ATXN1: variants seen among roughly 807,000 people sequenced by gnomAD.
The protein encoded by ATXN1 is ataxin-1.
Under a neutral mutation model 56.4 loss-of-function variants are expected in ATXN1, and 8 were observed. The observed-to-expected ratio is 0.14, with a 90% CI of 0.08 to 0.26. The LOEUF is 0.26. Ranked by LOEUF, ATXN1 falls within the 10% of genes least tolerant of loss-of-function variation. The probability of loss-of-function intolerance (pLI) is 1.00; values close to 1 mark genes in which losing one functional copy is unlikely to be tolerated. For missense variants in ATXN1, 987 were observed against 1,106.5 expected (o/e 0.89, Z 1.53); for synonymous variants, 514 against 494.6 (o/e 1.04, Z -0.52).
At chr6:16,576,218 T>C (rs528402948) in intron 4 of ATXN1, among the ~76,000 whole-genome samples, 3 of 152,216 alleles carry the variant, frequency 2.0e-5, no homozygotes, top group African/African-American at 7.2e-5. Flanking sequence ...CAGAGAAAGA[T>C]GGACTCCCTA....
intron 6 of ATXN1, among the ~76,000 whole-genome samples, chr6:16,335,709 T>A (rs1372735372): frequency 1.3e-5 from 2 of 152,196 alleles, no homozygotes; most frequent in Non-Finnish European, 2.9e-5. Flanking sequence ...AATGAGATCA[T>A]GCTGGATGAT....
At chr6:16,557,326 CAAAAAAAAAA>C (rs10551173) in intron 4 of ATXN1, among the ~76,000 whole-genome samples, 3 of 87,756 alleles carry the variant, frequency 3.4e-5, no homozygotes, top group Admixed American at 2.4e-4. Context: ...AACCCCATTT[CAAAAAAAAAA>C]AAAAAAAAAA....
intron 1 of ATXN1, 48 bp from the exon 2 acceptor site, chr6:16,753,395 A>T (rs1305853850): frequency 4.4e-6 from 2 of 454,746 alleles, no homozygotes; most frequent in Non-Finnish European, 8.8e-6. Context: ...AATGAAAAAC[A>T]GAATAGACTG....
chr6:16,636,721 C>T (rs1258364874), intron 3 of ATXN1, among the ~76,000 whole-genome samples: 4 of 152,118 alleles, frequency 2.6e-5, no homozygotes, highest in African/African-American at 9.7e-5. Flanking sequence ...TCTTTTCTTC[C>T]CAGGTCATAG....
intron 6 of ATXN1, among the ~76,000 whole-genome samples, chr6:16,468,708 A>T (rs1442411186): frequency 6.6e-6 from 1 of 152,208 alleles, no homozygotes. Context: ...TCCCCTTTCT[A>T]AGCAGATTGT....
At chr6:16,599,465 C>A (rs1459220699) in intron 3 of ATXN1, among the ~76,000 whole-genome samples, 1 of 151,858 alleles carries the variant, frequency 6.6e-6, no homozygotes, top group East Asian at 1.9e-4. Flanking sequence ...GTAATCCCAG[C>A]ATTTTGGGAG....
At chr6:16,460,710 C>T (rs547133013) in intron 6 of ATXN1, among the ~76,000 whole-genome samples, 64 of 152,294 alleles carry the variant, frequency 4.2e-4, no homozygotes, top group African/African-American at 1.5e-3. Context: ...GTACCCTTAG[C>T]TAATCCTGAC....
chr6:16,494,193 T>G (rs892988439), intron 5 of ATXN1, among the ~76,000 whole-genome samples: 1 of 151,256 alleles, frequency 6.6e-6, no homozygotes, highest in Non-Finnish European at 1.5e-5. Flanking sequence ...TCAAGAAGAG[T>G]TGGAGGGAGG....
intron 3 of ATXN1, among the ~76,000 whole-genome samples, chr6:16,621,114 C>T (rs995803252): frequency 2.6e-5 from 4 of 152,188 alleles, no homozygotes; most frequent in Admixed American, 1.3e-4. Flanking sequence ...GACAAATGAG[C>T]GCAGATTACA....
intron 3 of ATXN1, among the ~76,000 whole-genome samples, chr6:16,628,178 T>C (rs1763440407): frequency 6.6e-6 from 1 of 152,236 alleles, no homozygotes; most frequent in Non-Finnish European, 1.5e-5. Context: ...TGCCTATTAA[T>C]GCAGGTGGAA....
chr6:16,668,284 G>A (rs558685087), intron 2 of ATXN1, among the ~76,000 whole-genome samples: 7 of 151,892 alleles, frequency 4.6e-5, no homozygotes, highest in Admixed American at 3.9e-4. Context: ...ATGTTGGTGT[G>A]CTGCAACCAT....
intron 6 of ATXN1, among the ~76,000 whole-genome samples, chr6:16,406,858 C>T (rs1340758253): frequency 6.6e-6 from 1 of 152,190 alleles, no homozygotes; most frequent in Non-Finnish European, 1.5e-5. Context: ...CCCATTCCAG[C>T]CAATGGAAAC....
At chr6:16,442,266 C>T (rs1051568988) in intron 6 of ATXN1, among the ~76,000 whole-genome samples, 1 of 152,102 alleles carries the variant, frequency 6.6e-6, no homozygotes, top group Non-Finnish European at 1.5e-5. Context: ...TATGCAAGGA[C>T]CCAAGGAATA....
intron 2 of ATXN1, among the ~76,000 whole-genome samples, chr6:16,679,028 C>T (rs1015627688): frequency 6.1e-5 from 9 of 148,592 alleles, no homozygotes; most frequent in Admixed American, 3.3e-4. Flanking sequence ...AAGAGTGAAA[C>T]TCCATCTCAA....
chr6:16,637,415 C>T (rs1763619707), intron 3 of ATXN1, among the ~76,000 whole-genome samples: 1 of 151,660 alleles, frequency 6.6e-6, no homozygotes, highest in Non-Finnish European at 1.5e-5. Context: ...TTAATGGGTG[C>T]AGCACACCAA....
intron 2 of ATXN1, among the ~76,000 whole-genome samples, chr6:16,689,988 C>T (rs554581974): frequency 1.1e-4 from 16 of 152,074 alleles, no homozygotes; most frequent in African/African-American, 3.9e-4. Flanking sequence ...TTATCCATTA[C>T]AAGAGAGGAA....
rs915494831 is a variant in ATXN1 at position 16,471,712 on chromosome 6, A to T, written c.-161+14260T>A. The stretch of plus-strand genomic sequence containing the variant: ...GCGTGTGTGTGTGTGTGTGTGTGTG[A>T]GACAGAAAGAGAGAGAGTCTGTCAT... On this transcript the variant is annotated intron_variant, in intron 6 of 7. Coordinates refer to ENST00000436367, the MANE Select transcript of ATXN1 (RefSeq NM_001128164.2). Among the ~76,000 whole-genome samples the T allele has an allele frequency of 7.0e-4, 80 of 114,578 alleles. 1 individual carries two copies. The highest frequency in any genetic ancestry group is 9.9e-3 in the Middle Eastern group (2 of 202). The allele number at this position is 114,578 out of a possible 152,430, so 75.2% of individuals were successfully genotyped here.
At chr6:16,401,204 T>C (rs973350185) in intron 6 of ATXN1, among the ~76,000 whole-genome samples, 2 of 152,220 alleles carry the variant, frequency 1.3e-5, no homozygotes, top group South Asian at 2.1e-4. Context: ...AGTCTGGTTG[T>C]AGCGAGGGTT....
chr6:16,570,693 G>A (rs546318324), intron 4 of ATXN1, among the ~76,000 whole-genome samples: 19 of 152,256 alleles, frequency 1.2e-4, no homozygotes, highest in African/African-American at 4.3e-4. Flanking sequence ...AGATGAAAGT[G>A]AAGAAGAGAA....
Sources: gnomAD v4.1 joint callset for allele counts (sites outside exome capture counted in the v4.1 genomes callset) on GRCh38, gnomAD v4.1.1 for gene constraint, MANE v1.5 for transcripts, NCBI Gene and HGNC (gene_info 2026-07-23, HGNC 2026-07-21) for gene names.